The following CFAP77 variants were observed in gnomAD, a reference collection of about 807,000 sequenced individuals.
The protein encoded by CFAP77 is cilia and flagella associated protein 77.
A neutral mutation model predicts 31.1 loss-of-function variants in CFAP77; 25 were observed. That is an observed-to-expected ratio of 0.80 (90% CI 0.59 to 1.12). CFAP77 has a LOEUF of 1.12. CFAP77 is among the 50% of genes most tolerant of loss of function. The pLI is 0.00. For missense variants in CFAP77, 377 were observed against 397.3 expected, an observed-to-expected ratio of 0.95 and a Z score of 0.44; for synonymous variants, 151 against 159.9, an observed-to-expected ratio of 0.94 and a Z score of 0.42.
intron 1 of CFAP77, among the ~76,000 whole-genome samples, chr9:132,486,381 C>A (rs576666044): frequency 6.6e-6 from 1 of 151,866 alleles, no homozygotes; most frequent in African/African-American, 2.4e-5. Context: ...CGTGAGCCAC[C>A]GCGCCCGGCC....
chr9:132,450,788 A>T (rs551412), intron 1 of CFAP77, among the ~76,000 whole-genome samples: 51,349 of 152,124 alleles, frequency 0.34, 9,277 homozygotes, highest in African/African-American at 0.47. Flanking sequence ...GGCTGCAGAG[A>T]GAGCCCGGAT....
chr9:132,534,208 G>C (rs1852506415), intron 3 of CFAP77, among the ~76,000 whole-genome samples: 1 of 152,144 alleles, frequency 6.6e-6, no homozygotes, highest in South Asian at 2.1e-4. Context: ...CATTTTAGCA[G>C]CCACAGATGA....
chr9:132,463,186 C>G (rs1309992014), intron 1 of CFAP77, among the ~76,000 whole-genome samples: 2 of 152,200 alleles, frequency 1.3e-5, no homozygotes, highest in African/African-American at 4.8e-5. Flanking sequence ...GTCAGCCAAT[C>G]TTTGCGAAAG....
At chr9:132,519,574 A>AGATG (rs1226920030) in intron 3 of CFAP77, among the ~76,000 whole-genome samples, 3,744 of 41,696 alleles carry the variant, frequency 0.09, 171 homozygotes, top group Non-Finnish European at 0.12. Flanking sequence ...ATGGATGGAT[A>AGATG]GATGGATGGA....
At chr9:132,458,764 G>A (rs1340643679) in intron 1 of CFAP77, among the ~76,000 whole-genome samples, 1 of 152,222 alleles carries the variant, frequency 6.6e-6, no homozygotes, top group African/African-American at 2.4e-5. Context: ...CAGGCAAGCT[G>A]GAAAATTCAA....
rs577966896 is a variant in CFAP77 at position 132,410,353 on chromosome 9, G to A, written c.82G>A (p.Val28Ile). ...QQPVRRTVSQ[V>I]CPPPRRPLTV... The stretch of plus-strand genomic sequence containing the variant: ...GCCTGTGCGCCGCACGGTCAGCCAG[G>A]TCTGCCCGCCCCCGCGGCGGCCCCT... The change falls in exon 1 of 6, where the codon GTC becomes ATC. Residue 28 changes from valine (V) to isoleucine (I), a missense_variant. By Grantham distance (29) the Val-to-Ile change is conservative (BLOSUM62 3). Transcript: ENST00000393216. The A allele has an allele frequency of 6.3e-7, 1 of 1,598,100 alleles. No individual in the cohort carries two copies. Among genetic ancestry groups the A allele is most frequent in the African/African-American group, 1.4e-5 (1 of 72,952 alleles).
In CFAP77 at chr9:132,565,011, T is replaced by C. The variant is rs563922446; in HGVS notation, c.733-7377T>C. ...TGTAGTATGGGAGAGTTAGATTCGA[T>C]ATCACTAAGGTCTCTTCCAAACCTA... On this transcript the variant is annotated intron_variant, in intron 5 of 5. Coordinates refer to ENST00000393216, the MANE Select transcript of CFAP77 (RefSeq NM_001282957.2). The surrounding 1 kb of genome is among the most constrained non-coding windows in gnomAD (Gnocchi z 4.1). 1.4e-4 allele frequency among the ~76,000 whole-genome samples: 21 copies of C among 151,976 alleles called. No homozygotes were observed. The highest frequency in any genetic ancestry group is 2.9e-4 in the Non-Finnish European group (20 of 67,924).
intron 1 of CFAP77, among the ~76,000 whole-genome samples, chr9:132,477,283 G>C (rs565279323): frequency 6.6e-6 from 1 of 152,278 alleles, no homozygotes; most frequent in African/African-American, 2.4e-5. Flanking sequence ...AGGTCATAAC[G>C]ACGAGCCTTC....
chr9:132,542,624 G>A (rs1358299546), intron 4 of CFAP77, among the ~76,000 whole-genome samples: 1 of 152,228 alleles, frequency 6.6e-6, no homozygotes, highest in Non-Finnish European at 1.5e-5. Context: ...AGCCACGGAG[G>A]ACAAGTTCAA....
Position 132,554,939 on chromosome 9 carries a change from CCCATCCAT to C in CFAP77, c.732+11935_732+11942del, listed in dbSNP as rs113226727. On this transcript the variant is annotated intron_variant, in intron 5 of 5. Transcript: ENST00000393216. The surrounding 1 kb of genome is among the most constrained non-coding windows in gnomAD (Gnocchi z 4.1). ...ATGCATGCATGCATCCATCCATCCACCCATCCATCCATCCATCCATCCATCCATCCATC... is the reference window on the plus strand; with the variant it reads ...ATGCATGCATGCATCCATCCATCCACCCATCCATCCATCCATCCATCCATC... Among the ~76,000 whole-genome samples, 25,909 of 145,694 alleles carry C rather than the reference CCCATCCAT, an allele frequency of 0.18. 2,586 individuals are homozygous for C. The highest frequency in any genetic ancestry group is 0.27 in the Admixed American group (3,933 of 14,608).
chr9:132,458,306 C>T (rs1850957564), intron 1 of CFAP77, among the ~76,000 whole-genome samples: 1 of 146,570 alleles, frequency 6.8e-6, no homozygotes, highest in African/African-American at 2.5e-5. Context: ...TTGATTTCTT[C>T]TTCACCGACA....
chr9:132,571,360 G>A (rs1195060599), intron 5 of CFAP77, among the ~76,000 whole-genome samples: 2 of 151,906 alleles, frequency 1.3e-5, no homozygotes, highest in East Asian at 1.9e-4. Context: ...CCCATCCTTC[G>A]AGACCCCCTG....
chr9:132,420,076 T>G (rs7021732), intron 1 of CFAP77, among the ~76,000 whole-genome samples: 144,806 of 151,370 alleles, frequency 0.96, 69,617 homozygotes, highest in East Asian at 1. Context: ...CAGAAGGATC[T>G]CCTGAGGCCA....
chr9:132,559,346 C>CAAAAAAAAAAAAAAAAAAAAAAAAAA, intron 5 of CFAP77, among the ~76,000 whole-genome samples: 47 of 56,088 alleles, frequency 8.4e-4, no homozygotes, highest in Middle Eastern at 9.3e-3. Context: ...CTCTGTCTTG[C>CAAAAAAAAAAAAAAAAAAAAAAAAAA]AAAAAAAAAA....
rs1851846175 is a variant in CFAP77, at chr9:132,501,647, C to T, written c.524+2047C>T. ...TGAACTCCTGGCCTCAGGTGATCCA[C>T]CCGCCTTGGCCTCCCAAAGTGCTAG... On this transcript the variant is annotated intron_variant, in intron 3 of 5. Transcript: ENST00000393216. The surrounding 1 kb of genome is among the most constrained non-coding windows in gnomAD (Gnocchi z 4.6). Among the ~76,000 whole-genome samples the T allele has an allele frequency of 6.6e-6, 1 of 152,228 alleles. No individual in the cohort carries two copies. Among genetic ancestry groups the T allele is most frequent in the African/African-American group, 2.4e-5 (1 of 41,468 alleles).
chr9:132,555,749 C>T (rs866816194), intron 5 of CFAP77, among the ~76,000 whole-genome samples: 2 of 152,136 alleles, frequency 1.3e-5, no homozygotes, highest in African/African-American at 4.8e-5. Flanking sequence ...CCCTAACACA[C>T]CCCCCAGCCC....
chr9:132,460,845 C>T (rs1851035516), intron 1 of CFAP77, among the ~76,000 whole-genome samples: 1 of 152,122 alleles, frequency 6.6e-6, no homozygotes, highest in South Asian at 2.1e-4. Flanking sequence ...CCTGCCTCAG[C>T]CTCCTGAGTA....
At chr9:132,508,315 G>A (rs949874560) in intron 3 of CFAP77, among the ~76,000 whole-genome samples, 2 of 152,222 alleles carry the variant, frequency 1.3e-5, no homozygotes, top group Non-Finnish European at 2.9e-5. Flanking sequence ...TCAGAACAAA[G>A]GAGGTGACCT....
intron 1 of CFAP77, among the ~76,000 whole-genome samples, chr9:132,488,586 A>G (rs1851602443): frequency 6.6e-6 from 1 of 152,226 alleles, no homozygotes; most frequent in Non-Finnish European, 1.5e-5. Context: ...GCTTTGGTGA[A>G]GCTCCAGGTC....
Sources: allele counts gnomAD v4.1 joint callset (sites outside exome capture counted in the v4.1 genomes callset), GRCh38; gene constraint gnomAD v4.1.1; non-coding constraint Gnocchi (gnomAD v3.1); transcripts MANE v1.5; gene names NCBI Gene and HGNC (gene_info 2026-07-23, HGNC 2026-07-21).